The following THEMIS variants were observed in gnomAD, a reference collection of about 807,000 sequenced individuals.
The protein encoded by THEMIS is thymocyte selection associated, also known as protein THEMIS.
Under a neutral mutation model 52.6 loss-of-function variants are expected in THEMIS, and 37 were observed. The observed-to-expected ratio is 0.70, with a 90% CI of 0.54 to 0.93. The LOEUF (loss-of-function observed/expected upper bound fraction) is 0.93. Among genes scored for constraint, THEMIS ranks in the 40% least tolerant of loss-of-function variants. The pLI, the probability that THEMIS is intolerant of heterozygous loss-of-function variation, is 0.00. For synonymous variants in THEMIS, 292 were observed against 272.7 expected (o/e 1.07, Z -0.70); for missense variants, 808 against 763.1 (o/e 1.06, Z -0.69).
At chr6:127,851,359 A>G (rs1330973389) in intron 2 of THEMIS, among the ~76,000 whole-genome samples, 5 of 151,764 alleles carry the variant, frequency 3.3e-5, no homozygotes, top group Non-Finnish European at 7.4e-5. Context: ...CAAATGGTTG[A>G]AAATCAAAGA....
intron 1 of THEMIS, among the ~76,000 whole-genome samples, chr6:127,895,270 G>A (rs527307144): frequency 6.6e-6 from 1 of 151,350 alleles, no homozygotes; most frequent in South Asian, 2.1e-4. Flanking sequence ...AATAAGACAA[G>A]GATTTCCACT....
chr6:127,839,301 C>T (rs944482658), intron 2 of THEMIS, among the ~76,000 whole-genome samples: 1 of 151,520 alleles, frequency 6.6e-6, no homozygotes, highest in Non-Finnish European at 1.5e-5. Flanking sequence ...ATATGTTACC[C>T]CTATATATTC....
At chr6:127,743,755 A>G (rs189785440) in intron 4 of THEMIS, among the ~76,000 whole-genome samples, 11 of 152,234 alleles carry the variant, frequency 7.2e-5, no homozygotes, top group Non-Finnish European at 1.5e-4. Context: ...GAGGTACACA[A>G]TGCATCATAA....
At chr6:127,861,503 A>C (rs941432459) in intron 1 of THEMIS, among the ~76,000 whole-genome samples, 1 of 151,616 alleles carries the variant, frequency 6.6e-6, no homozygotes, top group African/African-American at 2.4e-5. Flanking sequence ...GAGAGTAAAG[A>C]CTGGGCACAG....
At chr6:127,768,682 C>T (rs1022477682) in intron 4 of THEMIS, among the ~76,000 whole-genome samples, 1 of 152,100 alleles carries the variant, frequency 6.6e-6, no homozygotes, top group Non-Finnish European at 1.5e-5. Context: ...ATTACTTATG[C>T]ATTCAGACAG....
At chr6:127,852,685 G>T (rs74672842) in intron 2 of THEMIS, among the ~76,000 whole-genome samples, 2,846 of 151,544 alleles carry the variant, frequency 0.019, 98 homozygotes, top group African/African-American at 0.066. Flanking sequence ...ATAAAGAGAT[G>T]CTGCTATTAA....
chr6:127,893,747 C>A (rs1780880628), intron 1 of THEMIS, among the ~76,000 whole-genome samples: 1 of 151,998 alleles, frequency 6.6e-6, no homozygotes, highest in Admixed American at 6.6e-5. Context: ...ACCTCCCATC[C>A]CCCAAAATTT....
intron 5 of THEMIS, among the ~76,000 whole-genome samples, chr6:127,712,114 A>G (rs1164016357): frequency 3.9e-5 from 6 of 151,966 alleles, no homozygotes; most frequent in South Asian, 2.1e-4. Context: ...TGAAAGTTCA[A>G]TCTGTCATCT....
intron 3 of THEMIS, among the ~76,000 whole-genome samples, chr6:127,815,505 T>C (rs1229430789): frequency 6.6e-6 from 1 of 152,138 alleles, no homozygotes; most frequent in African/African-American, 2.4e-5. Context: ...AAGGAAAAAG[T>C]ATTATTTTCT....
At chr6:127,910,220 G>T (rs1781377281) in intron 1 of THEMIS, among the ~76,000 whole-genome samples, 1 of 151,950 alleles carries the variant, frequency 6.6e-6, no homozygotes, top group African/African-American at 2.4e-5. Flanking sequence ...TTTTTATAAA[G>T]AATTACAGTC....
chr6:127,700,280 C>A, the THEMIS span, among the ~76,000 whole-genome samples: 3 of 151,718 alleles, frequency 2.0e-5, no homozygotes, highest in Non-Finnish European at 3.0e-5. Flanking sequence ...TATTTCACTA[C>A]TAATCTCTTA....
At chr6:127,858,809 A>G (rs1779701930) in intron 1 of THEMIS, among the ~76,000 whole-genome samples, 1 of 152,120 alleles carries the variant, frequency 6.6e-6, no homozygotes, top group Non-Finnish European at 1.5e-5. Flanking sequence ...GTCAAAGCAT[A>G]TGTATTCAGA....
intron 1 of THEMIS, among the ~76,000 whole-genome samples, chr6:127,860,387 A>G (rs537238960): frequency 6.6e-6 from 1 of 152,270 alleles, no homozygotes; most frequent in East Asian, 1.9e-4. Context: ...CAGGCCATAG[A>G]GACTCTCTCA....
chr6:127,784,994 TC>T (rs1293878085), intron 4 of THEMIS, among the ~76,000 whole-genome samples: 15 of 101,542 alleles, frequency 1.5e-4, no homozygotes, highest in African/African-American at 4.5e-4. Flanking sequence ...TATCTATCTA[TC>T]TATCTATCTA....
At chr6:127,811,066 CCAA>C (rs150249442) in intron 4 of THEMIS, among the ~76,000 whole-genome samples, 19 of 151,970 alleles carry the variant, frequency 1.3e-4, no homozygotes, top group Non-Finnish European at 2.2e-4. Context: ...ACAAAAAAAA[CCAA>C]CAACAACAAC....
At chr6:127,899,919 AT>A (rs1473069973) in intron 1 of THEMIS, among the ~76,000 whole-genome samples, 27 of 147,686 alleles carry the variant, frequency 1.8e-4, no homozygotes, top group Non-Finnish European at 3.3e-4. Context: ...ATATATATAT[AT>A]ATATAATATA....
intron 4 of THEMIS, among the ~76,000 whole-genome samples, chr6:127,752,866 C>G (rs1775694467): frequency 6.6e-6 from 1 of 151,448 alleles, no homozygotes; most frequent in Admixed American, 6.6e-5. Context: ...AGACAAGAAC[C>G]CAAAAAATAG....
chr6:127,888,344 A>T (rs188995907), intron 1 of THEMIS, among the ~76,000 whole-genome samples: 1 of 152,224 alleles, frequency 6.6e-6, no homozygotes, highest in East Asian at 1.9e-4. Flanking sequence ...AATAGATTTT[A>T]GAAATGAAAG....
At chr6:127,712,933 T>C (rs1774032313) in intron 5 of THEMIS, among the ~76,000 whole-genome samples, 2 of 151,940 alleles carry the variant, frequency 1.3e-5, no homozygotes, top group South Asian at 4.1e-4. Flanking sequence ...TACATTCTCT[T>C]ATAAACCTGA....
Sources: gnomAD v4.1 joint callset for allele counts (sites outside exome capture counted in the v4.1 genomes callset) on GRCh38, gnomAD v4.1.1 for gene constraint, MANE v1.5 for transcripts, NCBI Gene and HGNC (gene_info 2026-07-23, HGNC 2026-07-21) for gene names.